The following HESX1 variants were observed in gnomAD, a reference collection of about 807,000 sequenced individuals.
The protein encoded by HESX1 is HESX homeobox 1.
In HESX1, 11 loss-of-function variants were observed where a neutral mutation model predicts 22.5. That is an observed-to-expected ratio of 0.49 (90% CI 0.31 to 0.81). The LOEUF is 0.81. Among genes scored for constraint, HESX1 ranks in the 30% least tolerant of loss-of-function variants. The pLI, the probability that HESX1 is intolerant of heterozygous loss-of-function variation, is 0.05. For synonymous variants in HESX1, 74 were observed against 76.5 expected, an observed-to-expected ratio of 0.97 and a Z score of 0.17; for missense variants, 201 against 212.6, an observed-to-expected ratio of 0.95 and a Z score of 0.34.
chr3:57,207,780 C>A (rs780160156), intron 1 of HESX1, among the ~76,000 whole-genome samples: 11 of 151,996 alleles, frequency 7.2e-5, no homozygotes, highest in Non-Finnish European at 1.5e-4. Context: ...TTAAAAAGAA[C>A]TAAATGGAAT....
chr3:57,214,193 GA>G (rs889409892), intron 1 of HESX1, among the ~76,000 whole-genome samples: 1 of 152,166 alleles, frequency 6.6e-6, no homozygotes, highest in African/African-American at 2.4e-5. Context: ...TAGGAAAACA[GA>G]AAACCAAGAA....
chr3:57,202,182 G>A (rs527382037), upstream of HESX1, among the ~76,000 whole-genome samples: 1 of 152,094 alleles, frequency 6.6e-6, no homozygotes, highest in African/African-American at 2.4e-5. Context: ...GCCTCCCAAA[G>A]TGCTGGGATT....
intron 1 of HESX1, among the ~76,000 whole-genome samples, chr3:57,212,892 A>G (rs1417115222): frequency 6.6e-6 from 1 of 152,108 alleles, no homozygotes; most frequent in East Asian, 1.9e-4. Context: ...TGCTGCACCC[A>G]TCAACTCATC....
upstream of HESX1, among the ~76,000 whole-genome samples, chr3:57,227,517 C>T (rs1157203612): frequency 1.3e-5 from 2 of 152,248 alleles, no homozygotes; most frequent in Non-Finnish European, 2.9e-5. Context: ...AAGAGACGGT[C>T]CCCTGCGATT....
intron 1 of HESX1, among the ~76,000 whole-genome samples, chr3:57,206,052 G>A (rs1324622739): frequency 1.3e-5 from 2 of 152,294 alleles, no homozygotes; most frequent in Non-Finnish European, 2.9e-5. Context: ...TTAGCTGGGT[G>A]TGGTGGCACG....
chr3:57,198,629 A>T, intron 2 of HESX1, 124 bp downstream of exon 2: 1 of 1,036,944 alleles, frequency 9.6e-7, no homozygotes, highest in Non-Finnish European at 1.5e-6. Context: ...TTGTTAAAAT[A>T]TGGTAGTCTA....
chr3:57,224,451 T>A (rs6445864), intron 1 of HESX1, among the ~76,000 whole-genome samples: 55,655 of 151,656 alleles, frequency 0.37, 12,134 homozygotes, highest in East Asian at 0.85. Flanking sequence ...TCTTTAAAAA[T>A]TTTTTTTAAA....
At chr3:57,202,860 C>G (rs2060497926), upstream of HESX1, among the ~76,000 whole-genome samples, 1 of 152,076 alleles carries the variant, frequency 6.6e-6, no homozygotes, top group South Asian at 2.1e-4. Flanking sequence ...TTCACTGAAG[C>G]TGAGCTAGCA....
upstream of HESX1, among the ~76,000 whole-genome samples, chr3:57,201,869 CTATCTATATCTATCTATCTA>C (rs1180823078): frequency 2.8e-5 from 4 of 140,502 alleles, no homozygotes; most frequent in African/African-American, 1.1e-4. Context: ...CTATATCTAT[CTATCTATATCTATCTATCTA>C]TCTATCTATC....
At chr3:57,216,986 C>T (rs892046132) in intron 1 of HESX1, among the ~76,000 whole-genome samples, 1 of 152,044 alleles carries the variant, frequency 6.6e-6, no homozygotes, top group Non-Finnish European at 1.5e-5. Flanking sequence ...GTTCAAATTT[C>T]CCCAGATTTG....
intron 1 of HESX1, among the ~76,000 whole-genome samples, chr3:57,216,549 C>A (rs922043253): frequency 5.3e-5 from 8 of 152,164 alleles, no homozygotes; most frequent in Non-Finnish European, 1.0e-4. Context: ...GAGGTCGAGG[C>A]TGCAGTGAGC....
At chr3:57,216,871 ATT>A (rs1579363854) in intron 1 of HESX1, among the ~76,000 whole-genome samples, 1 of 152,102 alleles carries the variant, frequency 6.6e-6, no homozygotes, top group South Asian at 2.1e-4. Context: ...CTATGTAAAT[ATT>A]GTTTCTCATC....
chr3:57,215,166 A>T (rs950476060), intron 1 of HESX1, among the ~76,000 whole-genome samples: 1 of 152,192 alleles, frequency 6.6e-6, no homozygotes, highest in East Asian at 1.9e-4. Flanking sequence ...TCATTTTAGT[A>T]CTAGAAGACT....
At chr3:57,198,323 C>A in intron 3 of HESX1, 28 bp from the exon 4 acceptor site, 1 of 1,570,046 alleles carries the variant, frequency 6.4e-7, no homozygotes, top group Non-Finnish European at 8.8e-7. Flanking sequence ...TAAAATAGGT[C>A]TCAGAAACAT....
intron 1 of HESX1, among the ~76,000 whole-genome samples, chr3:57,220,468 C>T (rs957296094): frequency 3.3e-5 from 5 of 152,122 alleles, no homozygotes; most frequent in African/African-American, 1.2e-4. Context: ...CTCACTCTGT[C>T]GCCCAGGGTG....
At chr3:57,212,557 C>CAAAAAAAAAAAAAAAAAAAAA (rs56093005) in intron 1 of HESX1, among the ~76,000 whole-genome samples, 4 of 80,160 alleles carry the variant, frequency 5.0e-5, no homozygotes, top group African/African-American at 1.6e-4. Flanking sequence ...GACTCTGTCT[C>CAAAAAAAAAAAAAAAAAAAAA]AAAAAAAAAA....
exon 1 of HESX1, chr3:57,226,470 T>G (rs890548649): frequency 1.3e-5 from 2 of 152,182 alleles, no homozygotes; most frequent in Non-Finnish European, 2.9e-5. Context: ...AGAGAGAGAC[T>G]GGCTGATAAA....
rs533239617 is a variant in HESX1 at position 57,199,707 on chromosome 3, A to G, written c.157+55T>C. The G allele has an allele frequency of 1.8e-5, 28 of 1,546,892 alleles. 1 individual carries two copies. The South Asian group carries it at 2.8e-4, about 15-fold the overall frequency. ...CTATGTAGTATGAAATAAAGGGCAA[A>G]TTAAACACTGTAAATGAAATAACAA... is the stretch of plus-strand genomic sequence containing the variant. On this transcript the variant is annotated intron_variant, in intron 1 of 3. Coordinates refer to ENST00000295934, the MANE Select transcript of HESX1 (RefSeq NM_003865.3).
At chr3:57,205,736 A>G (rs1041098156) in intron 1 of HESX1, among the ~76,000 whole-genome samples, 34 of 151,772 alleles carry the variant, frequency 2.2e-4, no homozygotes, top group African/African-American at 8.2e-4. Flanking sequence ...TTAACCTGCA[A>G]CCTCTCTTCC....
Sources: allele counts gnomAD v4.1 joint callset (sites outside exome capture counted in the v4.1 genomes callset), GRCh38; gene constraint gnomAD v4.1.1; transcripts MANE v1.5; gene names NCBI Gene and HGNC (gene_info 2026-07-23, HGNC 2026-07-21).